TRAPPC3: variants seen among roughly 807,000 people sequenced by gnomAD.
TRAPPC3 encodes trafficking protein particle complex subunit 3, also known as trafficking protein particle complex 3.
Under a neutral mutation model 18.2 loss-of-function variants are expected in TRAPPC3, and 5 were observed. That is an observed-to-expected ratio of 0.28 (90% CI 0.14 to 0.58). The LOEUF is 0.58. Ranked by LOEUF, TRAPPC3 falls within the 20% of genes least tolerant of loss-of-function variation. The pLI, the probability that TRAPPC3 is intolerant of heterozygous loss-of-function variation, is 0.91. For synonymous variants in TRAPPC3, 65 were observed against 84.2 expected (o/e 0.77, Z 1.25); for missense variants, 176 against 225.9 (o/e 0.78, Z 1.41).
chr1:36,150,750 G>A (rs546667065), upstream of TRAPPC3, among the ~76,000 whole-genome samples: 13 of 152,346 alleles, frequency 8.5e-5, no homozygotes, highest in East Asian at 2.5e-3. Context: ...ATGCCACAGG[G>A]GAGGGAGCCA....
At chr1:36,139,192 TC>T (rs1195564068) in intron 3 of TRAPPC3, among the ~76,000 whole-genome samples, 1 of 138,312 alleles carries the variant, frequency 7.2e-6, no homozygotes, top group Non-Finnish European at 1.5e-5. Flanking sequence ...GGAGTCTTGC[TC>T]TGTTACCCAG....
chr1:36,140,149 G>A lies in TRAPPC3; in HGVS notation c.60C>T (p.Thr20=). The change falls in exon 2 of 5, where the codon ACC becomes ACT. Residue 20 remains threonine (T), a synonymous_variant. Coordinates refer to ENST00000373166, the MANE Select transcript of TRAPPC3 (RefSeq NM_014408.5). ...GGGTGACCAGGGCACCATAGGTCAG[G>A]GTGAAGAGCTCAGAGCTCTAAAAGA... ...ESKKMSSELF[T]LTYGALVTQL... 6.3e-7 allele frequency: 1 copy of A among 1,597,074 alleles called. No individual in the cohort carries two copies. The highest frequency in any genetic ancestry group is 2.2e-5 in the East Asian group (1 of 44,794).
intron 1 of TRAPPC3, among the ~76,000 whole-genome samples, chr1:36,142,275 T>C (rs1348445682): frequency 1.3e-5 from 2 of 152,194 alleles, no homozygotes; most frequent in Non-Finnish European, 2.9e-5. Context: ...AAGGGGAAGC[T>C]GTTAAGGAGG....
chr1:36,138,605 G>A (rs1315703621), intron 3 of TRAPPC3, among the ~76,000 whole-genome samples: 1 of 152,138 alleles, frequency 6.6e-6, no homozygotes, highest in Admixed American at 6.5e-5. Context: ...ACTAATACTA[G>A]TAATAGTAAA....
rs35602639 is a variant in TRAPPC3 at position 36,146,300 on chromosome 1, CTT to C, written c.42+3035_42+3036del. Among the ~76,000 whole-genome samples, 84 of 130,304 alleles carry C rather than the reference CTT, an allele frequency of 6.4e-4. 1 individual carries two copies. The highest frequency in any genetic ancestry group is 8.8e-4 in the Non-Finnish European group (54 of 61,686). 85.5% of individuals were successfully genotyped at this position (130,304 alleles called of 152,430 possible). ...CACCATGTTGGCCAGGATGGTCTCT[CTT>C]TTTTTTTTTTTTGAGATGGAGTCTC... On this transcript the variant is annotated intron_variant, in intron 1 of 4. Coordinates refer to ENST00000373166, the MANE Select transcript of TRAPPC3 (RefSeq NM_014408.5).
At chr1:36,151,579 C>G (rs1406649259), upstream of TRAPPC3, among the ~76,000 whole-genome samples, 1 of 152,028 alleles carries the variant, frequency 6.6e-6, no homozygotes, top group Non-Finnish European at 1.5e-5. Context: ...CTACTGCACT[C>G]CAGCCTGGGT....
upstream of TRAPPC3, among the ~76,000 whole-genome samples, chr1:36,153,949 T>C (rs781751193): frequency 5.9e-5 from 9 of 152,180 alleles, no homozygotes; most frequent in Non-Finnish European, 1.2e-4. Flanking sequence ...GTCCCTGGCC[T>C]ATCTGTTCAT....
rs1047175263 is a variant in TRAPPC3 at position 36,137,083 on chromosome 1, G to A, written c.*120C>T. ...TTATTTGAATGGAGAATGGAAACAG[G>A]TTATAAGAATATATAACATCCATGT... On this transcript the variant is annotated 3_prime_UTR_variant, in exon 5 of 5. Transcript: ENST00000373166. The A allele has an allele frequency of 2.4e-6, 3 of 1,224,640 alleles. No homozygotes were observed. Among genetic ancestry groups the A allele is most frequent in the East Asian group, 2.4e-5 (1 of 42,252 alleles). 75.9% of individuals were successfully genotyped at this position (1,224,640 alleles called of 1,614,324 possible). A position where few individuals can be genotyped will look rare whatever the true frequency, so the allele number is the denominator to read the frequency against.
At chr1:36,150,543 C>A (rs1644260641), upstream of TRAPPC3, among the ~76,000 whole-genome samples, 1 of 152,190 alleles carries the variant, frequency 6.6e-6, no homozygotes, top group African/African-American at 2.4e-5. Flanking sequence ...CCCTAGCCCT[C>A]ACCATGACAA....
chr1:36,138,115 C>T, intron 3 of TRAPPC3, 137 bp from the exon 4 acceptor site: 6 of 1,559,904 alleles, frequency 3.8e-6, no homozygotes, highest in Non-Finnish European at 5.2e-6. Flanking sequence ...ACTTCAGATA[C>T]TCAGGACAAC....
At chr1:36,148,145 G>A (rs1220032875) in intron 1 of TRAPPC3, among the ~76,000 whole-genome samples, 3 of 152,188 alleles carry the variant, frequency 2.0e-5, no homozygotes, top group African/African-American at 7.2e-5. Context: ...CCCCTTACCT[G>A]ACATTGTTTC....
intron 1 of TRAPPC3, among the ~76,000 whole-genome samples, chr1:36,155,199 C>T (rs1262192100): frequency 6.6e-6 from 1 of 152,186 alleles, no homozygotes; most frequent in Non-Finnish European, 1.5e-5. Context: ...CCTCCTCCCC[C>T]GCAACCCAAG....
At chr1:36,150,212 C>G (rs1398838226), upstream of TRAPPC3, among the ~76,000 whole-genome samples, 1 of 152,218 alleles carries the variant, frequency 6.6e-6, no homozygotes, top group Non-Finnish European at 1.5e-5. Context: ...GTTGCTAAAT[C>G]TCTCTCAGTT....
At chr1:36,149,314 C>A in intron 1 of TRAPPC3, 23 bp downstream of exon 1, 1 of 1,613,744 alleles carries the variant, frequency 6.2e-7, no homozygotes. Flanking sequence ...CCCCGCCCGC[C>A]GAGGTCACGC....
At chr1:36,139,456 G>A (rs1391869656) in intron 3 of TRAPPC3, 3 of 398,582 alleles carry the variant, frequency 7.5e-6, no homozygotes, top group Non-Finnish European at 9.1e-6. Flanking sequence ...ACGCCCGACC[G>A]AGTCTGTATT....
intron 3 of TRAPPC3, among the ~76,000 whole-genome samples, chr1:36,139,059 A>G (rs1644067288): frequency 6.6e-6 from 1 of 151,784 alleles, no homozygotes; most frequent in Non-Finnish European, 1.5e-5. Flanking sequence ...AAAAGAAAAA[A>G]AAAAAAAGAT....
At chr1:36,148,057 T>C (rs1167005134) in intron 1 of TRAPPC3, among the ~76,000 whole-genome samples, 1 of 152,336 alleles carries the variant, frequency 6.6e-6, no homozygotes, top group East Asian at 1.9e-4. Context: ...TAGGTAGACA[T>C]TACTATCCCC....
Position 36,137,831 on chromosome 1 carries a change from G to C in TRAPPC3, c.388C>G (p.Leu130Val). The change falls in exon 4 of 5, where the codon CTC becomes GTC. Residue 130 changes from leucine (L) to valine (V), a missense_variant. By Grantham distance (32) the Leu-to-Val change is conservative. Coordinates refer to ENST00000373166, the MANE Select transcript of TRAPPC3 (RefSeq NM_014408.5). ...DNHSSLIYSNLLCGVLRGALE... is the reference protein window; with the variant it reads ...DNHSSLIYSNVLCGVLRGALE... ...GCTCCCCGCAACACCCCACACAAGA[G>C]ATTGGAATAAATAAGGGATGAGTGG... is the stretch of plus-strand genomic sequence containing the variant. 1 of 1,614,202 alleles carries C rather than the reference G, an allele frequency of 6.2e-7. No homozygotes were observed. Among genetic ancestry groups the C allele is most frequent in the Non-Finnish European group, 8.5e-7 (1 of 1,180,048 alleles).
intron 3 of TRAPPC3, chr1:36,138,303 G>T: frequency 6.6e-7 from 1 of 1,521,624 alleles, no homozygotes; most frequent in East Asian, 2.4e-5. Context: ...GGGAGCACTA[G>T]TCTTTCGACA....
Sources: gnomAD v4.1 joint callset for allele counts (sites outside exome capture counted in the v4.1 genomes callset) on GRCh38, gnomAD v4.1.1 for gene constraint, MANE v1.5 for transcripts, NCBI Gene and HGNC (gene_info 2026-07-23, HGNC 2026-07-21) for gene names.